Variants in SLC4A3 observed in about 807,000 individuals in gnomAD.
SLC4A3 encodes the protein anion exchange protein 3.
Under a neutral mutation model 114.2 loss-of-function variants are expected in SLC4A3, and 47 were observed. The ratio of observed to expected loss-of-function variants is 0.41; its 90% CI spans 0.33 to 0.52. The LOEUF (loss-of-function observed/expected upper bound fraction) is 0.52, where lower values mean the gene tolerates loss of function less well. Ranked by LOEUF, SLC4A3 falls within the 20% of genes least tolerant of loss-of-function variation. The probability of loss-of-function intolerance (pLI) is 0.21; values close to 1 mark genes in which losing one functional copy is unlikely to be tolerated. For synonymous variants in SLC4A3, 693 were observed against 710.3 expected, an observed-to-expected ratio of 0.98 and a Z score of 0.39; for missense variants, 1,312 against 1,668.3, an observed-to-expected ratio of 0.79 and a Z score of 3.72.
In SLC4A3 at chr2:219,636,999, G is replaced by A. The variant is rs1356458039; in HGVS notation, c.2535+125G>A. The A allele has an allele frequency of 2.3e-6, 2 of 869,652 alleles. No individual in the cohort carries two copies. Among genetic ancestry groups the A allele is most frequent in the African/African-American group, 3.4e-5 (2 of 59,558 alleles). 53.9% of individuals were successfully genotyped at this position (869,652 alleles called of 1,614,324 possible). On this transcript the variant is annotated intron_variant, in intron 16 of 22. Transcript: ENST00000358055. The surrounding 1 kb of genome is among the most constrained non-coding windows in gnomAD (Gnocchi z 5.5). ...AGGAGAGGGACTGTGTTGGGAGTGAGGGGTTCTAGGGACACCCTAGGCTAG... is the reference window on the plus strand; with the variant it reads ...AGGAGAGGGACTGTGTTGGGAGTGAAGGGTTCTAGGGACACCCTAGGCTAG...
chr2:219,629,819 C>T (rs1698853653), intron 5 of SLC4A3, 124 bp downstream of exon 5: 1 of 436,742 alleles, frequency 2.3e-6, no homozygotes, highest in Non-Finnish European at 3.6e-6. Context: ...AAAAGAGGAG[C>T]AGGGTGTGGG....
chr2:219,630,409 G>A lies in SLC4A3; in HGVS notation c.811+57G>A, dbSNP rs1698879735. 7 of 1,528,484 alleles carry A rather than the reference G, an allele frequency of 4.6e-6. No individual in the cohort carries two copies. Among genetic ancestry groups the A allele is most frequent in the East Asian group, 4.5e-5 (2 of 44,056 alleles). The allele number at this position is 1,528,484 out of a possible 1,614,324, so 94.7% of individuals were successfully genotyped here. ...CCACTGCGACGGACTCCCAGCCTGC[G>A]AGTGACCTTGGAGAGGCTCTGAGCT... On this transcript the variant is annotated intron_variant, in intron 6 of 22. Coordinates refer to ENST00000358055, the MANE Select transcript of SLC4A3 (RefSeq NM_005070.4). The surrounding 1 kb of genome is among the most constrained non-coding windows in gnomAD (Gnocchi z 6.9).
rs532017909 is a variant in SLC4A3 at position 219,638,426 on chromosome 2, G to A, written c.2856+173G>A. 1.2e-3 allele frequency among the ~76,000 whole-genome samples: 190 copies of A among 152,300 alleles called. No homozygotes were observed. Among genetic ancestry groups the A allele is most frequent in the African/African-American group, 4.2e-3 (173 of 41,556 alleles). On this transcript the variant is annotated intron_variant, in intron 18 of 22. Transcript: ENST00000358055. The surrounding 1 kb of genome is among the most constrained non-coding windows in gnomAD (Gnocchi z 7.5). Reference sequence around the variant, plus strand: ...CCCAGGGAGCCTGAGTGATGAATCCGGGAGAAGCAGGTGTGGGGCTGGGAG... The same window carrying A: ...CCCAGGGAGCCTGAGTGATGAATCCAGGAGAAGCAGGTGTGGGGCTGGGAG...
rs1021700991 is a variant in SLC4A3, at chr2:219,628,878, C to A, written c.218-266C>A. ...CCCTCCTTGTCCCACCTCGGCTAGT[C>A]CAACTCCGCCTTTCCCCTCCTTGCT... On this transcript the variant is annotated intron_variant, in intron 3 of 22. Transcript: ENST00000358055. The surrounding 1 kb of genome is among the most constrained non-coding windows in gnomAD (Gnocchi z 4.8). 2 of 583,888 alleles carry A rather than the reference C, an allele frequency of 3.4e-6. No homozygotes were observed. The highest frequency in any genetic ancestry group is 6.4e-5 in the Admixed American group (2 of 31,210). 36.2% of individuals were successfully genotyped at this position (583,888 alleles called of 1,614,324 possible).
chr2:219,632,155 G>A (rs767658580), intron 7 of SLC4A3, 39 bp downstream of exon 7: 16 of 1,607,036 alleles, frequency 1.0e-5, no homozygotes, highest in Non-Finnish European at 1.3e-5. Flanking sequence ...GCTTCCTCAT[G>A]CCCCTCGGCC....
chr2:219,631,495 G>A lies in SLC4A3; in HGVS notation c.812-473G>A, dbSNP rs761487927. On this transcript the variant is annotated intron_variant, in intron 6 of 22. Coordinates refer to ENST00000358055, the MANE Select transcript of SLC4A3 (RefSeq NM_005070.4). This position sits in a 1 kb window ranked among gnomAD's most constrained non-coding sequence, Gnocchi z 6.3. ...TGCTGGCCTTTCCCCGACTGCTGCT[G>A]GCCTGGGTGGGGCAGACAGGAGGAA... 21 of 1,293,870 alleles carry A rather than the reference G, an allele frequency of 1.6e-5. No homozygotes were observed. The African/African-American group carries it at 3.0e-4, about 19-fold the overall frequency. The allele number at this position is 1,293,870 out of a possible 1,614,324, so 80.1% of individuals were successfully genotyped here. A position where few individuals can be genotyped will look rare whatever the true frequency, so the allele number is the denominator to read the frequency against.
rs367938145 is a variant in SLC4A3, at chr2:219,636,658, G to A, written c.2341-22G>A. 3.7e-6 allele frequency: 6 copies of A among 1,601,848 alleles called. No homozygotes were observed. Among genetic ancestry groups the A allele is most frequent in the Non-Finnish European group, 5.1e-6 (6 of 1,172,874 alleles). On this transcript the variant is annotated intron_variant, in intron 15 of 22. Coordinates refer to ENST00000358055, the MANE Select transcript of SLC4A3 (RefSeq NM_005070.4). The surrounding 1 kb of genome is among the most constrained non-coding windows in gnomAD (Gnocchi z 5.5). Reference sequence around the variant, plus strand: ...CCAGGGCAGTCCACCTGTGGGTAACGACCGCTCCTACCCCCACCTAGTTCT... The same window carrying A: ...CCAGGGCAGTCCACCTGTGGGTAACAACCGCTCCTACCCCCACCTAGTTCT...
In SLC4A3 at chr2:219,631,303, C is replaced by T; in HGVS notation, c.812-665C>T. The T allele has an allele frequency of 7.7e-7, 1 of 1,303,804 alleles. No homozygotes were observed. Among genetic ancestry groups the T allele is most frequent in the South Asian group, 1.2e-5 (1 of 81,000 alleles). The allele number at this position is 1,303,804 out of a possible 1,614,324, so 80.8% of individuals were successfully genotyped here. On this transcript the variant is annotated intron_variant, in intron 6 of 22. Transcript: ENST00000358055. The surrounding 1 kb of genome is among the most constrained non-coding windows in gnomAD (Gnocchi z 6.3). ...GCACTGAGCCCTGGGCCTGGGGATA[C>T]CAATAGCTGGGGCTTTGGGAGGGAT...
rs919736288 is a variant in SLC4A3 at position 219,634,750 on chromosome 2, T to C, written c.1746+146T>C. On this transcript the variant is annotated intron_variant, in intron 12 of 22. Transcript: ENST00000358055. The stretch of plus-strand genomic sequence containing the variant: ...CCCTGGAGGGTGGTGGGGGGAGCTG[T>C]TGGCCCAGGGGAGAAGAGAGAGCCT... 3 of 864,470 alleles carry C rather than the reference T, an allele frequency of 3.5e-6. No homozygotes were observed. The Admixed American group carries it at 8.6e-5, about 25-fold the overall frequency. The allele number at this position is 864,470 out of a possible 1,614,324, so 53.5% of individuals were successfully genotyped here.
rs1172694364 is a variant in SLC4A3 at position 219,628,222 on chromosome 2, T to C, written c.51+179T>C. On this transcript the variant is annotated intron_variant, in intron 2 of 22. Transcript: ENST00000358055. The surrounding 1 kb of genome is among the most constrained non-coding windows in gnomAD (Gnocchi z 4.8). ...TTTTCCAGATCCGTAGCCCTCTCTC[T>C]TTACAAGCTCTGGGAGCCCAGAGAG... Among the ~76,000 whole-genome samples, 1 of 151,978 alleles carries C rather than the reference T, an allele frequency of 6.6e-6. No homozygotes were observed. The highest frequency in any genetic ancestry group is 1.5e-5 in the Non-Finnish European group (1 of 67,952).
rs369902260 is a variant in SLC4A3, at chr2:219,636,865, G to A, written c.2526G>A (p.Lys842=). Residue 842 remains lysine, a synonymous_variant, in exon 16 of 23, where the codon AAG becomes AAA. Coordinates refer to ENST00000358055, the MANE Select transcript of SLC4A3 (RefSeq NM_005070.4). This position sits in a 1 kb window ranked among gnomAD's most constrained non-coding sequence, Gnocchi z 5.5. The part of the protein sequence containing the change: ...SLIFIYETFY[K]LYKVFTEHPL... ...TTTTCATCTACGAGACCTTCTACAA[G>A]CTCTACAAGGTGGAGGTCCAGCGAG... The A allele has an allele frequency of 2.0e-5, 33 of 1,613,568 alleles. No individual in the cohort carries two copies. Among genetic ancestry groups the A allele is most frequent in the Non-Finnish European group, 2.5e-5 (30 of 1,179,730 alleles).
At position 219,635,821 on chromosome 2, in the gene SLC4A3, G is replaced by A; in HGVS notation, c.2121G>A (p.Gln707=). 1.3e-6 allele frequency: 2 copies of A among 1,589,410 alleles called. No homozygotes were observed. The highest frequency in any genetic ancestry group is 8.6e-7 in the Non-Finnish European group (1 of 1,169,552). The part of the protein sequence containing the change: ...PSDLRDALHS[Q]CVAAVLFIYF... Reference sequence around the variant, plus strand: ...ACCTGCGAGATGCGCTGCACTCCCAGTGTGTGGCCGCTGTGCTCTTCATCT... The same window carrying A: ...ACCTGCGAGATGCGCTGCACTCCCAATGTGTGGCCGCTGTGCTCTTCATCT... The change falls in exon 14 of 23, where the codon CAG becomes CAA. Residue 707 remains glutamine (Q), a synonymous_variant. Transcript: ENST00000358055.
rs1445537535 is a variant in SLC4A3 at position 219,637,092 on chromosome 2, T to C, written c.2535+218T>C. Among the ~76,000 whole-genome samples, 3 of 151,950 alleles carry C rather than the reference T, an allele frequency of 2.0e-5. No individual in the cohort carries two copies. Among genetic ancestry groups the C allele is most frequent in the Non-Finnish European group, 4.4e-5 (3 of 67,958 alleles). ...CCAGGTCACGACTCCAAGCACCTGG[T>C]TGGAGGCTTAGTAATAAGGACTCAC... On this transcript the variant is annotated intron_variant, in intron 16 of 22. Coordinates refer to ENST00000358055, the MANE Select transcript of SLC4A3 (RefSeq NM_005070.4). The surrounding 1 kb of genome is among the most constrained non-coding windows in gnomAD (Gnocchi z 4.6).
In SLC4A3 at chr2:219,629,178, GC is replaced by G. The variant is rs1698827080; in HGVS notation, c.253del (p.Leu85SerfsTer185). ...RHTSHHTHHP[L>X]SARLPPPHKL... ...ACACATCCCACCACACCCACCACCC[GC>G]TCTCAGCGCGCCTGCCTCCACCCCA... On this transcript the variant is annotated frameshift_variant, in exon 4 of 23. Transcript: ENST00000358055. LOFTEE classifies it high-confidence loss of function. 1 of 1,608,004 alleles carries G rather than the reference GC, an allele frequency of 6.2e-7. No individual in the cohort carries two copies. The highest frequency in any genetic ancestry group is 8.5e-7 in the Non-Finnish European group (1 of 1,177,170).
In SLC4A3 at chr2:219,628,951, C is replaced by T. The variant is rs2106180389; in HGVS notation, c.218-193C>T. Among the ~76,000 whole-genome samples the T allele has an allele frequency of 6.6e-6, 1 of 152,288 alleles. No individual in the cohort carries two copies. Among genetic ancestry groups the T allele is most frequent in the South Asian group, 2.1e-4 (1 of 4,816 alleles). On this transcript the variant is annotated intron_variant, in intron 3 of 22. Coordinates refer to ENST00000358055, the MANE Select transcript of SLC4A3 (RefSeq NM_005070.4). This position sits in a 1 kb window ranked among gnomAD's most constrained non-coding sequence, Gnocchi z 4.8. ...CCCCTTCATGACCTTCCCTGTCCAT[C>T]CACCCTCTCCTCCCACTCCACCAGA...
intron 11 of SLC4A3, among the ~76,000 whole-genome samples, chr2:219,634,216 CT>C (rs1184593353): frequency 2.0e-5 from 3 of 152,254 alleles, no homozygotes; most frequent in Non-Finnish European, 4.4e-5. Context: ...AAAAGCAACA[CT>C]TCTTTAATAC....
rs986487905 is a variant in SLC4A3 at position 219,628,735 on chromosome 2, C to T, written c.217+165C>T. The T allele has an allele frequency of 1.3e-6, 1 of 763,018 alleles. No homozygotes were observed. Among genetic ancestry groups the T allele is most frequent in the Non-Finnish European group, 2.1e-6 (1 of 482,858 alleles). 47.3% of individuals were successfully genotyped at this position (763,018 alleles called of 1,614,324 possible). On this transcript the variant is annotated intron_variant, in intron 3 of 22. Coordinates refer to ENST00000358055, the MANE Select transcript of SLC4A3 (RefSeq NM_005070.4). The surrounding 1 kb of genome is among the most constrained non-coding windows in gnomAD (Gnocchi z 4.8). ...TGCCGTGTTCAGTCATCCTGCCTCC[C>T]CCACCCATCGCCTGTCCGCCTGCCT...
In SLC4A3 at chr2:219,641,012, GGTTCC is replaced by G; in HGVS notation, c.3621+51_3621+55del. The G allele has an allele frequency of 6.5e-7, 1 of 1,547,726 alleles. No homozygotes were observed. The highest frequency in any genetic ancestry group is 8.7e-7 in the Non-Finnish European group (1 of 1,143,364). On this transcript the variant is annotated intron_variant, in intron 22 of 22. Coordinates refer to ENST00000358055, the MANE Select transcript of SLC4A3 (RefSeq NM_005070.4). The surrounding 1 kb of genome is among the most constrained non-coding windows in gnomAD (Gnocchi z 4.0). Reference sequence around the variant, plus strand: ...ACAGTGTTAGGGCAAATGGGCACTGGGTTCCAATCTCTGTTTGGCCACCCACTAGT... The same window carrying G: ...ACAGTGTTAGGGCAAATGGGCACTGGAATCTCTGTTTGGCCACCCACTAGT...
Position 219,635,348 on chromosome 2 carries a change from C to T in SLC4A3, c.1824C>T (p.Ser608=), listed in dbSNP as rs1699077255. Residue 608 remains serine, a synonymous_variant, in exon 13 of 23, where the codon AGC becomes AGT. Transcript: ENST00000358055. ...CCATCAGCGAGTTCCTGGATGGCAG[C>T]ATTGTGATCCCCCCGTCCGAGGTGG... ...LSAISEFLDG[S]IVIPPSEVEG... The T allele has an allele frequency of 6.8e-6, 11 of 1,614,092 alleles. No individual in the cohort carries two copies. The highest frequency in any genetic ancestry group is 2.2e-5 in the East Asian group (1 of 44,886).
Sources: gnomAD v4.1 joint callset for allele counts (sites outside exome capture counted in the v4.1 genomes callset) on GRCh38, gnomAD v4.1.1 for gene constraint, Gnocchi (gnomAD v3.1) non-coding constraint, MANE v1.5 for transcripts, NCBI Gene and HGNC (gene_info 2026-07-23, HGNC 2026-07-21) for gene names.